FZD3: variants seen among roughly 807,000 people sequenced by gnomAD.
FZD3 encodes frizzled-3.
A neutral mutation model predicts 60.7 loss-of-function variants in FZD3; 30 were observed. That is an observed-to-expected ratio of 0.49 (90% CI 0.37 to 0.67). FZD3 has a LOEUF of 0.67. FZD3 is among the 30% of genes least tolerant of loss of function. The pLI, the probability that FZD3 is intolerant of heterozygous loss-of-function variation, is 0.00. For missense variants in FZD3, 605 were observed against 838.7 expected, an observed-to-expected ratio of 0.72 and a Z score of 3.44; for synonymous variants, 246 against 275.2, an observed-to-expected ratio of 0.89 and a Z score of 1.05.
chr8:28,497,986 A>G (rs544569416), intron 1 of FZD3, among the ~76,000 whole-genome samples: 93 of 152,364 alleles, frequency 6.1e-4, no homozygotes, highest in African/African-American at 2.1e-3. Context: ...TTTTGTCATC[A>G]AAAGAAACCT....
intron 5 of FZD3, among the ~76,000 whole-genome samples, chr8:28,549,648 A>T (rs1210053868): frequency 1.3e-5 from 2 of 152,154 alleles, no homozygotes; most frequent in African/African-American, 2.4e-5. Context: ...CCATATTTTA[A>T]TGAAAATATT....
In FZD3 at chr8:28,556,795, C is replaced by T. The variant is rs145533731; in HGVS notation, c.1787+824C>T. The stretch of plus-strand genomic sequence containing the variant: ...CCAGCAGGCCTTAGTTTGCCAACCC[C>T]TGTTTACTAGGTACAGTAGTAGCAC... On this transcript the variant is annotated intron_variant, in intron 7 of 7. Transcript: ENST00000240093. Among the ~76,000 whole-genome samples the T allele has an allele frequency of 9.0e-3, 1,375 of 152,012 alleles. 8 individuals carry two copies. The highest frequency in any genetic ancestry group is 0.02 in the African/African-American group (818 of 41,564).
In FZD3 at chr8:28,570,297, GC is replaced by G. The variant is rs1805781516; in HGVS notation, c.*7288del. ...ACCTGAGGTCAGGAGTTCGAGACCA[GC>G]CTGATGAACATGGCAAATCCCCTTC... On this transcript the variant is annotated 3_prime_UTR_variant, in exon 8 of 8. Transcript: ENST00000240093. 6.6e-6 allele frequency: 1 copy of G among 151,738 alleles called. No homozygotes were observed. Among genetic ancestry groups the G allele is most frequent in the South Asian group, 2.1e-4 (1 of 4,794 alleles). 9.4% of individuals were successfully genotyped at this position (151,738 alleles called of 1,614,324 possible).
intron 5 of FZD3, among the ~76,000 whole-genome samples, chr8:28,538,766 G>C (rs912027932): frequency 6.6e-6 from 1 of 151,614 alleles, no homozygotes; most frequent in African/African-American, 2.4e-5. Context: ...AATGAATCTA[G>C]AAACTATTCT....
chr8:28,537,912 T>C (rs1805059411), intron 5 of FZD3, among the ~76,000 whole-genome samples: 1 of 151,204 alleles, frequency 6.6e-6, no homozygotes, highest in South Asian at 2.1e-4. Context: ...AGGTCAGGAG[T>C]TCAAGACTAG....
Position 28,571,536 on chromosome 8 carries a change from G to A in FZD3, c.*8525G>A, listed in dbSNP as rs1805806777. 6.6e-6 allele frequency: 1 copy of A among 152,160 alleles called. No homozygotes were observed. 9.4% of individuals were successfully genotyped at this position (152,160 alleles called of 1,614,324 possible). A position where few individuals can be genotyped will look rare whatever the true frequency, so the allele number is the denominator to read the frequency against. On this transcript the variant is annotated 3_prime_UTR_variant, in exon 8 of 8. Coordinates refer to ENST00000240093, the MANE Select transcript of FZD3 (RefSeq NM_017412.4). ...ATCAGGTGCTATTTCTACCTTAGCT[G>A]TGAGTTAGACTAAATCCAAATTTCG...
At position 28,502,888 on chromosome 8, in the gene FZD3, T is replaced by C. The variant is rs1339105471; in HGVS notation, c.-126T>C. 2 of 613,558 alleles carry C rather than the reference T, an allele frequency of 3.3e-6. No homozygotes were observed. The highest frequency in any genetic ancestry group is 5.5e-5 in the East Asian group (2 of 36,348). 38.0% of individuals were successfully genotyped at this position (613,558 alleles called of 1,614,324 possible). A position where few individuals can be genotyped will look rare whatever the true frequency, so the allele number is the denominator to read the frequency against. On this transcript the variant is annotated 5_prime_UTR_variant, in exon 3 of 8. Transcript: ENST00000240093. ...TCTGACGGTGCGAAGAGTATTTAAC[T>C]GTTTGAAGAATTTAACAGTAAGATA... is the stretch of plus-strand genomic sequence containing the variant.
chr8:28,540,690 A>C (rs1456792602), intron 5 of FZD3, among the ~76,000 whole-genome samples: 3 of 152,168 alleles, frequency 2.0e-5, no homozygotes, highest in Non-Finnish European at 4.4e-5. Flanking sequence ...TACACCTGTA[A>C]TCCTAGCACT....
chr8:28,500,864 G>A (rs761759729), intron 2 of FZD3, among the ~76,000 whole-genome samples: 2 of 151,970 alleles, frequency 1.3e-5, no homozygotes, highest in African/African-American at 2.4e-5. Flanking sequence ...AGGTTCAAGC[G>A]ATTCTTCTGC....
At chr8:28,516,109 T>C (rs1804419550) in intron 3 of FZD3, among the ~76,000 whole-genome samples, 1 of 152,250 alleles carries the variant, frequency 6.6e-6, no homozygotes, top group Admixed American at 6.5e-5. Flanking sequence ...TCTAACGTTA[T>C]GCTTTTGCAT....
chr8:28,536,273 C>T (rs956396474), intron 5 of FZD3, among the ~76,000 whole-genome samples: 3 of 152,068 alleles, frequency 2.0e-5, no homozygotes, highest in Non-Finnish European at 4.4e-5. Context: ...CTCTTTCATC[C>T]ATCTAATTTA....
At chr8:28,507,774 A>G (rs1272067394) in intron 3 of FZD3, among the ~76,000 whole-genome samples, 2 of 146,746 alleles carry the variant, frequency 1.4e-5, no homozygotes, top group Non-Finnish European at 3.0e-5. Flanking sequence ...TTTAAGTTTC[A>G]TTGTGAACTC....
chr8:28,555,890 A>T lies in FZD3; in HGVS notation c.1706A>T (p.Asp569Val). Reference protein sequence around the residue: ...HASSTQLAMVDDQRSKAGSIH... With the variant: ...HASSTQLAMVVDQRSKAGSIH... ...TCTTCAACTCAGCTGGCTATGGTGG[A>T]TGATCAAAGAAGCAAAGCAGGAAGC... is the stretch of plus-strand genomic sequence containing the variant. Residue 569 changes from aspartate to valine, a missense_variant, in exon 7 of 8, where the codon GAT (aspartate) becomes GTT (valine). Coordinates refer to ENST00000240093, the MANE Select transcript of FZD3 (RefSeq NM_017412.4). 1 of 1,614,116 alleles carries T rather than the reference A, an allele frequency of 6.2e-7. No individual in the cohort carries two copies. The highest frequency in any genetic ancestry group is 8.5e-7 in the Non-Finnish European group (1 of 1,179,968).
intron 3 of FZD3, among the ~76,000 whole-genome samples, chr8:28,504,330 G>T (rs1483842201): frequency 6.6e-6 from 1 of 152,206 alleles, no homozygotes; most frequent in Non-Finnish European, 1.5e-5. Context: ...TAGGCTATCA[G>T]ATTAGGATAT....
intron 4 of FZD3, 115 bp downstream of exon 4, chr8:28,520,949 A>G (rs372861034): frequency 9.5e-6 from 5 of 524,836 alleles, no homozygotes; most frequent in South Asian, 5.9e-5. Flanking sequence ...CATATTAGTC[A>G]TTAATTTTGA....
At chr8:28,549,793 T>C (rs1428172696) in intron 5 of FZD3, among the ~76,000 whole-genome samples, 3 of 152,206 alleles carry the variant, frequency 2.0e-5, no homozygotes, top group Non-Finnish European at 4.4e-5. Context: ...TGAATACTTC[T>C]ATCAAATGCC....
At chr8:28,502,128 T>A (rs1417601929) in intron 2 of FZD3, among the ~76,000 whole-genome samples, 1 of 152,212 alleles carries the variant, frequency 6.6e-6, no homozygotes, top group Non-Finnish European at 1.5e-5. Context: ...AGAAAAATTC[T>A]AGGTACATAG....
Position 28,568,327 on chromosome 8 carries a change from A to G in FZD3, c.*5316A>G, listed in dbSNP as rs1463339865. On this transcript the variant is annotated 3_prime_UTR_variant, in exon 8 of 8. Transcript: ENST00000240093. ...ACCTATTTTATATGAAAATAATTGT[A>G]TTGGCATCTCTTCATAATTTAATTC... is the stretch of plus-strand genomic sequence containing the variant. The G allele has an allele frequency of 6.6e-6, 1 of 152,178 alleles. No homozygotes were observed. The highest frequency in any genetic ancestry group is 2.4e-5 in the African/African-American group (1 of 41,452). 9.4% of individuals were successfully genotyped at this position (152,178 alleles called of 1,614,324 possible). A position where few individuals can be genotyped will look rare whatever the true frequency, so the allele number is the denominator to read the frequency against.
intron 5 of FZD3, among the ~76,000 whole-genome samples, chr8:28,547,335 A>G (rs1056587045): frequency 6.6e-6 from 1 of 152,186 alleles, no homozygotes; most frequent in African/African-American, 2.4e-5. Context: ...TGCTTCTAAT[A>G]TTTTACAATT....
Sources: gnomAD v4.1 joint callset for allele counts (sites outside exome capture counted in the v4.1 genomes callset) on GRCh38, gnomAD v4.1.1 for gene constraint, MANE v1.5 for transcripts, NCBI Gene and HGNC (gene_info 2026-07-23, HGNC 2026-07-21) for gene names.